Variants in DUS2 observed in about 807,000 individuals in gnomAD.
The protein encoded by DUS2 is tRNA-dihydrouridine(20) synthase [NAD(P)+]-like.
In DUS2, 52 loss-of-function variants were observed where a neutral mutation model predicts 71.3. The ratio of observed to expected loss-of-function variants is 0.73; its 90% CI spans 0.58 to 0.92. The LOEUF is 0.92. Ranked by LOEUF, DUS2 falls within the 40% of genes least tolerant of loss-of-function variation. The probability of loss-of-function intolerance (pLI) is 0.00; values close to 1 mark genes in which losing one functional copy is unlikely to be tolerated. For missense variants in DUS2, 558 were observed against 622.6 expected, an observed-to-expected ratio of 0.90 and a Z score of 1.10; for synonymous variants, 204 against 227.8, an observed-to-expected ratio of 0.90 and a Z score of 0.94.
At chr16:68,041,720 G>C (rs956242559) in intron 3 of DUS2, among the ~76,000 whole-genome samples, 1 of 150,400 alleles carries the variant, frequency 6.6e-6, no homozygotes, top group East Asian at 2.0e-4. Flanking sequence ...GTTGAGACAA[G>C]AGAATCACTT....
At chr16:68,046,354 T>C (rs933802458) in intron 3 of DUS2, among the ~76,000 whole-genome samples, 1 of 152,190 alleles carries the variant, frequency 6.6e-6, no homozygotes, top group Non-Finnish European at 1.5e-5. Flanking sequence ...GCTGCATCTA[T>C]GTTGCTGTAA....
At chr16:68,036,002 T>G (rs1034688495) in intron 2 of DUS2, among the ~76,000 whole-genome samples, 2 of 146,838 alleles carry the variant, frequency 1.4e-5, no homozygotes, top group African/African-American at 5.0e-5. Context: ...ATTTTTATTT[T>G]TATTTTTATT....
rs919101682 is a variant in DUS2 at position 68,070,189 on chromosome 16, G to A, written c.610G>A (p.Ala204Thr). 6 of 1,614,180 alleles carry A rather than the reference G, an allele frequency of 3.7e-6. No individual in the cohort carries two copies. Among genetic ancestry groups the A allele is most frequent in the Admixed American group, 1.7e-5 (1 of 60,022 alleles). The stretch of plus-strand genomic sequence containing the variant: ...CAGCTGTGAAGTCATCAAAGCCATT[G>A]CTGATACCCTCTCCATTCCTGTCAT... Reference protein sequence around the residue: ...PVSCEVIKAIADTLSIPVIAN... With the variant: ...PVSCEVIKAITDTLSIPVIAN... The change falls in exon 11 of 17, where the codon GCT becomes ACT. Residue 204 changes from alanine (A) to threonine (T), a missense_variant. By Grantham distance (58) the Ala-to-Thr change is moderately conservative (BLOSUM62 0). Transcript: ENST00000565263.
chr16:68,039,667 C>T (rs185452951), intron 3 of DUS2, among the ~76,000 whole-genome samples: 3 of 152,130 alleles, frequency 2.0e-5, no homozygotes, highest in Admixed American at 1.3e-4. Context: ...ATGATCCTCA[C>T]GTCTCCGCCT....
At chr16:68,053,853 G>C in intron 5 of DUS2, 198 bp downstream of exon 5, 1 of 572,910 alleles carries the variant, frequency 1.7e-6, no homozygotes. Context: ...TGGAAATCAA[G>C]CTATCACAGT....
intron 10 of DUS2, among the ~76,000 whole-genome samples, chr16:68,069,027 C>A (rs1015741442): frequency 6.6e-6 from 1 of 152,018 alleles, no homozygotes; most frequent in Non-Finnish European, 1.5e-5. Context: ...TAAAAGTGAC[C>A]ATTGGAGATG....
At chr16:68,074,286 G>A in intron 13 of DUS2, 131 bp downstream of exon 13, 1 of 1,227,582 alleles carries the variant, frequency 8.1e-7, no homozygotes, top group Non-Finnish European at 1.1e-6. Flanking sequence ...GTGGAGTGAT[G>A]GTACAGCTTT....
rs115350595 is a variant in DUS2, at chr16:68,052,231, A to G, written c.173-1333A>G. On this transcript the variant is annotated intron_variant, in intron 4 of 16. Transcript: ENST00000565263. ...ACTTGGGACCATTTTAAACAGTGAG[A>G]TCACCAACAAAAAGCATAGACATGC... Among the ~76,000 whole-genome samples the G allele has an allele frequency of 3.0e-3, 453 of 152,190 alleles. 5 individuals are homozygous for G. The highest frequency in any genetic ancestry group is 0.01 in the African/African-American group (420 of 41,514).
intron 3 of DUS2, among the ~76,000 whole-genome samples, chr16:68,044,123 C>A (rs2033668810): frequency 6.6e-6 from 1 of 151,974 alleles, no homozygotes; most frequent in African/African-American, 2.4e-5. Flanking sequence ...ACAACACAGT[C>A]TTGATTATTG....
intron 2 of DUS2, among the ~76,000 whole-genome samples, chr16:68,025,780 G>A (rs1010766675): frequency 5.9e-5 from 9 of 152,190 alleles, no homozygotes; most frequent in South Asian, 2.1e-4. Flanking sequence ...TTTAGAAATA[G>A]GAAAGGTATC....
At chr16:68,044,999 G>A (rs1385602711) in intron 3 of DUS2, among the ~76,000 whole-genome samples, 1 of 151,454 alleles carries the variant, frequency 6.6e-6, no homozygotes, top group Non-Finnish European at 1.5e-5. Context: ...CACCATGTTG[G>A]TCAGGCTGGT....
At chr16:68,037,471 A>G (rs1000951362) in intron 2 of DUS2, among the ~76,000 whole-genome samples, 4 of 146,312 alleles carry the variant, frequency 2.7e-5, no homozygotes, top group Non-Finnish European at 6.0e-5. Flanking sequence ...AGGCGGGGGT[A>G]CAATGGTGCC....
intron 3 of DUS2, 133 bp downstream of exon 3, chr16:68,038,282 G>A (rs1203862005): frequency 3.9e-6 from 5 of 1,284,212 alleles, no homozygotes; most frequent in Non-Finnish European, 1.1e-6. Context: ...AAGGCTGGAG[G>A]AGACAAACAT....
intron 11 of DUS2, among the ~76,000 whole-genome samples, chr16:68,070,690 G>C (rs945000719): frequency 6.6e-6 from 1 of 152,176 alleles, no homozygotes; most frequent in African/African-American, 2.4e-5. Flanking sequence ...TTTAGATTAG[G>C]GGCAAGGAAA....
intron 4 of DUS2, among the ~76,000 whole-genome samples, chr16:68,052,573 T>C (rs2033793022): frequency 6.6e-6 from 1 of 152,134 alleles, no homozygotes. Flanking sequence ...GTAAATTTGC[T>C]GAACTTCAGA....
chr16:68,048,638 G>A (rs57968980), intron 3 of DUS2, among the ~76,000 whole-genome samples: 2,001 of 152,282 alleles, frequency 0.013, 43 homozygotes, highest in African/African-American at 0.045. Flanking sequence ...GGATTCTTTG[G>A]CCATTGTCCC....
At chr16:68,071,815 T>A (rs2151425651) in intron 12 of DUS2, among the ~76,000 whole-genome samples, 1 of 152,308 alleles carries the variant, frequency 6.6e-6, no homozygotes, top group Non-Finnish European at 1.5e-5. Context: ...TTTTTTATTT[T>A]TTTAATAGAG....
In DUS2 at chr16:68,025,418, T is replaced by C. The variant is rs1440018101; in HGVS notation, c.-95T>C. 2 of 151,758 alleles carry C rather than the reference T, an allele frequency of 1.3e-5. No individual in the cohort carries two copies. The highest frequency in any genetic ancestry group is 2.9e-5 in the Non-Finnish European group (2 of 67,988). The allele number at this position is 151,758 out of a possible 1,614,324, so 9.4% of individuals were successfully genotyped here. On this transcript the variant is annotated 5_prime_UTR_variant, in exon 2 of 17. Coordinates refer to ENST00000565263, the MANE Select transcript of DUS2 (RefSeq NM_017803.5). ...TCCATGTGCCACTGTTTTTCAGATA[T>C]CAAACAAAGAATTACTCTGTACAAA...
chr16:68,058,681 T>G (rs1229278310), intron 7 of DUS2, among the ~76,000 whole-genome samples: 1 of 152,204 alleles, frequency 6.6e-6, no homozygotes, highest in East Asian at 1.9e-4. Flanking sequence ...GGAAGATTTT[T>G]GGAGAGACAC....
Sources: gnomAD v4.1 joint callset for allele counts (sites outside exome capture counted in the v4.1 genomes callset) on GRCh38, gnomAD v4.1.1 for gene constraint, MANE v1.5 for transcripts, NCBI Gene and HGNC (gene_info 2026-07-23, HGNC 2026-07-21) for gene names.